Variants in TFDP2 observed in about 807,000 individuals in gnomAD.
TFDP2 encodes transcription factor Dp-2 (E2F dimerization partner 2).
Under a neutral mutation model 59.3 loss-of-function variants are expected in TFDP2, and 17 were observed. The observed-to-expected ratio is 0.29, with a 90% CI of 0.20 to 0.43. The LOEUF is 0.43. TFDP2 is among the 20% of genes least tolerant of loss of function. The pLI is 1.00. For synonymous variants in TFDP2, 180 were observed against 194.7 expected, an observed-to-expected ratio of 0.92 and a Z score of 0.63; for missense variants, 391 against 528.8, an observed-to-expected ratio of 0.74 and a Z score of 2.56.
In TFDP2 at chr3:141,948,751, A is replaced by T. The variant is rs774257035; in HGVS notation, c.*3762T>A. On this transcript the variant is annotated 3_prime_UTR_variant, in exon 13 of 13. Transcript: ENST00000489671. Reference sequence around the variant, plus strand: ...AAGTAGCCAAAAAGAGTTGTGGTTTAGCAAACAGTCAAGTTATAGATGTCT... The same window carrying T: ...AAGTAGCCAAAAAGAGTTGTGGTTTTGCAAACAGTCAAGTTATAGATGTCT... 1 of 152,108 alleles carries T rather than the reference A, an allele frequency of 6.6e-6. No homozygotes were observed. The highest frequency in any genetic ancestry group is 1.5e-5 in the Non-Finnish European group (1 of 68,030). 9.4% of individuals were successfully genotyped at this position (152,108 alleles called of 1,614,324 possible).
chr3:141,973,105 ATATATATATATATATATAT>A (rs200712820), intron 8 of TFDP2, among the ~76,000 whole-genome samples: 1,249 of 109,200 alleles, frequency 0.011, 34 homozygotes, highest in African/African-American at 0.041. Flanking sequence ...ATATATATAT[ATATATATATATATATATAT>A]TTTTTTTTTT....
At chr3:142,071,465 A>T (rs2060247453) in intron 3 of TFDP2, among the ~76,000 whole-genome samples, 3 of 152,174 alleles carry the variant, frequency 2.0e-5, no homozygotes, top group Admixed American at 1.3e-4. Context: ...GCCATAAAGG[A>T]TCATTTAAAT....
chr3:141,989,613 C>T (rs1942516042), intron 6 of TFDP2: 1 of 152,162 alleles, frequency 6.6e-6, no homozygotes. Context: ...GCTGGCCCAG[C>T]TGCTAAAAGT....
intron 3 of TFDP2, among the ~76,000 whole-genome samples, chr3:142,021,879 G>C (rs943353043): frequency 2.6e-5 from 4 of 152,126 alleles, no homozygotes; most frequent in African/African-American, 9.7e-5. Flanking sequence ...AATTTTTTAA[G>C]TGTTCACCCA....
At chr3:142,094,461 C>A (rs768944182) in intron 2 of TFDP2, among the ~76,000 whole-genome samples, 1 of 152,032 alleles carries the variant, frequency 6.6e-6, no homozygotes, top group Non-Finnish European at 1.5e-5. Flanking sequence ...CCTGCCACCA[C>A]GCCCAGCTAA....
At chr3:141,964,721 C>T (rs75243594) in intron 9 of TFDP2, among the ~76,000 whole-genome samples, 1 of 152,052 alleles carries the variant, frequency 6.6e-6, no homozygotes, top group Admixed American at 6.6e-5. Context: ...TGCAGTGAGG[C>T]CAGGTCCTAA....
rs1409856797 is a variant in TFDP2 at position 141,945,524 on chromosome 3, C to A, written c.*6989G>T. On this transcript the variant is annotated 3_prime_UTR_variant, in exon 13 of 13. Transcript: ENST00000489671. ...AAACGTGATCCCCGGAGTGCAGCCA[C>A]CTGGGCAGCCAGTGCATATGGTTAG... The A allele has an allele frequency of 2.6e-5, 4 of 152,292 alleles. No individual in the cohort carries two copies. Among genetic ancestry groups the A allele is most frequent in the Non-Finnish European group, 5.9e-5 (4 of 68,106 alleles). The allele number at this position is 152,292 out of a possible 1,614,324, so 9.4% of individuals were successfully genotyped here. A position where few individuals can be genotyped will look rare whatever the true frequency, so the allele number is the denominator to read the frequency against.
At chr3:142,019,073 T>C (rs1945385704) in intron 3 of TFDP2, among the ~76,000 whole-genome samples, 1 of 134,130 alleles carries the variant, frequency 7.5e-6, no homozygotes, top group Non-Finnish European at 1.6e-5. Context: ...TTTTTTTTTT[T>C]GTTTTGGTGA....
chr3:141,946,707 G>C lies in TFDP2; in HGVS notation c.*5806C>G, dbSNP rs1357205382. 1 of 152,180 alleles carries C rather than the reference G, an allele frequency of 6.6e-6. No individual in the cohort carries two copies. Among genetic ancestry groups the C allele is most frequent in the Non-Finnish European group, 1.5e-5 (1 of 68,028 alleles). 9.4% of individuals were successfully genotyped at this position (152,180 alleles called of 1,614,324 possible). A position where few individuals can be genotyped will look rare whatever the true frequency, so the allele number is the denominator to read the frequency against. Reference sequence around the variant, plus strand: ...CTTCCTGAGAAACGTTATAATTTATGTGGGTATTGAGCTTGAATTTTTTTT... The same window carrying C: ...CTTCCTGAGAAACGTTATAATTTATCTGGGTATTGAGCTTGAATTTTTTTT... On this transcript the variant is annotated 3_prime_UTR_variant, in exon 13 of 13. Coordinates refer to ENST00000489671, the MANE Select transcript of TFDP2 (RefSeq NM_001178139.2).
At chr3:142,106,116 T>TA (rs766367361) in intron 1 of TFDP2, among the ~76,000 whole-genome samples, 12,880 of 145,554 alleles carry the variant, frequency 0.088, 676 homozygotes, top group Middle Eastern at 0.15. Context: ...TAATTGTGGT[T>TA]AAAAAAAAAA....
intron 4 of TFDP2, among the ~76,000 whole-genome samples, chr3:142,001,271 C>T (rs1943738962): frequency 6.6e-6 from 1 of 152,204 alleles, no homozygotes; most frequent in African/African-American, 2.4e-5. Context: ...ACCACCTGTG[C>T]CCTCTAGAGG....
In TFDP2 at chr3:141,952,500, C is replaced by T. The variant is rs1014865489; in HGVS notation, c.*13G>A. On this transcript the variant is annotated 3_prime_UTR_variant, in exon 13 of 13. Transcript: ENST00000489671. ...TGAGCATCACATATTGAAACGTAGG[C>T]TTTCTCTTGTCTTTATTCTGGGGAG... is the stretch of plus-strand genomic sequence containing the variant. 2 of 1,516,056 alleles carry T rather than the reference C, an allele frequency of 1.3e-6. No individual in the cohort carries two copies. The highest frequency in any genetic ancestry group is 1.8e-6 in the Non-Finnish European group (2 of 1,140,400). 93.9% of individuals were successfully genotyped at this position (1,516,056 alleles called of 1,614,324 possible).
At chr3:141,964,235 G>A (rs1937617173) in intron 9 of TFDP2, among the ~76,000 whole-genome samples, 1 of 152,094 alleles carries the variant, frequency 6.6e-6, no homozygotes, top group East Asian at 1.9e-4. Context: ...CACAGCAAGG[G>A]TGATACCATT....
intron 1 of TFDP2, chr3:142,145,444 G>C (rs957128167): frequency 6.6e-6 from 1 of 152,184 alleles, no homozygotes; most frequent in Non-Finnish European, 1.5e-5. Flanking sequence ...CTTAGAAAAA[G>C]TAGTAATCAG....
At chr3:142,070,835 G>A (rs1463698000) in intron 3 of TFDP2, among the ~76,000 whole-genome samples, 2 of 151,948 alleles carry the variant, frequency 1.3e-5, no homozygotes, top group Admixed American at 1.3e-4. Context: ...TACATCATTG[G>A]CCATTTCCAT....
rs758366326 is a variant in TFDP2 at position 141,970,125 on chromosome 3, C to T, written c.680G>A (p.Arg227Gln). 12 of 1,614,024 alleles carry T rather than the reference C, an allele frequency of 7.4e-6. No individual in the cohort carries two copies. Among genetic ancestry groups the T allele is most frequent in the African/African-American group, 4.0e-5 (3 of 74,922 alleles). Residue 227 changes from arginine to glutamine, a missense_variant, in exon 9 of 13, where the codon CGG (arginine) becomes CAG (glutamine). This residue lies in a region of TFDP2 where 223 missense variants were observed against 292.5 expected (regional missense o/e 0.76). Transcript: ENST00000489671. ...CCGCTTCTGCTTTATCCGTTCTATCCGCCTCTGCTTCTCTATCTTTAAAAC... is the reference window on the plus strand; with the variant it reads ...CCGCTTCTGCTTTATCCGTTCTATCTGCCTCTGCTTCTCTATCTTTAAAAC... ...CQNLEIEKQRRIERIKQKRAQ... is the reference protein window; with the variant it reads ...CQNLEIEKQRQIERIKQKRAQ...
At chr3:142,002,316 TGTTTTTTTTTTTTTTTTTTTTTG>T (rs1943855177) in intron 4 of TFDP2, among the ~76,000 whole-genome samples, 1 of 125,152 alleles carries the variant, frequency 8.0e-6, no homozygotes, top group East Asian at 2.1e-4. Flanking sequence ...TTATTTTTAG[TGTTTTTTTTTTTTTTTTTTTTTG>T]ATAAAGATGA....
chr3:142,112,360 C>T (rs2061693168), intron 1 of TFDP2, among the ~76,000 whole-genome samples: 1 of 151,932 alleles, frequency 6.6e-6, no homozygotes, highest in Non-Finnish European at 1.5e-5. Flanking sequence ...ATAAGAAAAA[C>T]AAAAAAAATT....
At chr3:141,977,758 T>G (rs112885314) in intron 7 of TFDP2, among the ~76,000 whole-genome samples, 1 of 152,124 alleles carries the variant, frequency 6.6e-6, no homozygotes, top group African/African-American at 2.4e-5. Flanking sequence ...TCGCCCAGGC[T>G]GGAGTACAGT....
Sources: allele counts gnomAD v4.1 joint callset (sites outside exome capture counted in the v4.1 genomes callset), GRCh38; gene constraint gnomAD v4.1.1; regional missense constraint gnomAD v4.1.1; transcripts MANE v1.5; gene names NCBI Gene and HGNC (gene_info 2026-07-23, HGNC 2026-07-21).